NSD2: variants seen among roughly 807,000 people sequenced by gnomAD.
NSD2 encodes histone-lysine N-methyltransferase NSD2.
In NSD2, 12 loss-of-function variants were observed where a neutral mutation model predicts 139.0. The ratio of observed to expected loss-of-function variants is 0.09; its 90% CI spans 0.06 to 0.14. The LOEUF is 0.14. NSD2 is among the 10% of genes least tolerant of loss of function. NSD2 has a pLI of 1.00. For missense variants in NSD2, 1,155 were observed against 1,745.0 expected, an observed-to-expected ratio of 0.66 and a Z score of 6.02; for synonymous variants, 669 against 648.7, an observed-to-expected ratio of 1.03 and a Z score of -0.48.
In NSD2 at chr4:1,933,254, CACTT is replaced by C. The variant is rs529219632; in HGVS notation, c.1556-1885_1556-1882del. On this transcript the variant is annotated intron_variant, in intron 6 of 21. Coordinates refer to ENST00000508803, the MANE Select transcript of NSD2 (RefSeq NM_001042424.3). ...GAATGCATTGGCAGCAGGGCACGGA[CACTT>C]ACTTGTACCTCTGCCTGAGGCCTTG... 3.7e-4 allele frequency among the ~76,000 whole-genome samples: 57 copies of C among 152,360 alleles called. No individual in the cohort carries two copies. In the South Asian group the frequency reaches 4.8e-3, roughly 13 times the overall value.
chr4:1,947,076 C>T (rs1243290754), intron 9 of NSD2: 23 of 1,064,318 alleles, frequency 2.2e-5, no homozygotes, highest in Non-Finnish European at 2.6e-5. Flanking sequence ...CCAGTGGAAG[C>T]AGGTGTATTG....
chr4:1,960,960 T>TGG lies in NSD2; in HGVS notation c.3256-72_3256-71dup, dbSNP rs1255567527. On this transcript the variant is annotated intron_variant, in intron 17 of 21. Coordinates refer to ENST00000508803, the MANE Select transcript of NSD2 (RefSeq NM_001042424.3). ...TGGTGCCCGTTCTAAGTGATCATGA[T>TGG]GGGGAGTCTTGAGCCCCGACACTGA... The TGG allele has an allele frequency of 3.5e-6, 4 of 1,146,022 alleles. No individual in the cohort carries two copies. The African/African-American group carries it at 4.5e-5, about 13-fold the overall frequency. 71.0% of individuals were successfully genotyped at this position (1,146,022 alleles called of 1,614,324 possible).
At chr4:1,901,340 G>T in intron 2 of NSD2, 89 bp downstream of exon 2, 1 of 1,194,706 alleles carries the variant, frequency 8.4e-7, no homozygotes, top group African/African-American at 1.5e-5. Context: ...GTACTGGGGC[G>T]GGCGGAGAAG....
chr4:1,943,245 G>A (rs1022973430), intron 9 of NSD2: 12 of 1,041,772 alleles, frequency 1.2e-5, no homozygotes, highest in Admixed American at 5.6e-5. Flanking sequence ...AGTACCATGC[G>A]AGTAGCCCAC....
At chr4:1,961,248 C>G (rs953635339) in intron 18 of NSD2, 97 bp downstream of exon 18, 24 of 928,472 alleles carry the variant, frequency 2.6e-5, no homozygotes, top group Non-Finnish European at 3.9e-5. Flanking sequence ...GCAGCGCCAG[C>G]ATTTGTCTCC....
intron 18 of NSD2, among the ~76,000 whole-genome samples, chr4:1,961,370 C>T (rs3135122): frequency 0.68 from 103,182 of 152,162 alleles, 39,584 homozygotes; most frequent in East Asian, 0.98. Context: ...CACCCTGAGG[C>T]TCTGCTTGTC....
intron 5 of NSD2, chr4:1,918,964 A>C (rs940598728): frequency 4.9e-6 from 1 of 202,724 alleles, no homozygotes. Context: ...CCTGGGCAAC[A>C]TGGTGAAACC....
Position 1,955,479 on chromosome 4 carries a change from A to G in NSD2, c.2518+139A>G, listed in dbSNP as rs1289202653. On this transcript the variant is annotated intron_variant, in intron 13 of 21. Coordinates refer to ENST00000508803, the MANE Select transcript of NSD2 (RefSeq NM_001042424.3). This position sits in a 1 kb window ranked among gnomAD's most constrained non-coding sequence, Gnocchi z 4.7. The stretch of plus-strand genomic sequence containing the variant: ...TGCGTCTTCACGTTAATAGTATATC[A>G]CAGTAGCTCTAAATTAATTGTAATC... 54 of 1,251,704 alleles carry G rather than the reference A, an allele frequency of 4.3e-5. No homozygotes were observed. The highest frequency in any genetic ancestry group is 5.5e-5 in the Non-Finnish European group (51 of 931,310). The allele number at this position is 1,251,704 out of a possible 1,614,324, so 77.5% of individuals were successfully genotyped here.
At chr4:1,910,919 A>C (rs1187210159) in intron 3 of NSD2, among the ~76,000 whole-genome samples, 1 of 152,116 alleles carries the variant, frequency 6.6e-6, no homozygotes. Context: ...CTGTGGTCTC[A>C]TGTCGTTGTG....
chr4:1,959,869 T>G, intron 17 of NSD2, 129 bp downstream of exon 17: 1 of 1,277,866 alleles, frequency 7.8e-7, no homozygotes, highest in South Asian at 1.6e-5. Context: ...ATTTTTTTTG[T>G]TTTTGTTTTG....
At chr4:1,914,989 A>G (rs539920669) in intron 3 of NSD2, among the ~76,000 whole-genome samples, 2 of 152,230 alleles carry the variant, frequency 1.3e-5, no homozygotes, top group East Asian at 3.9e-4. Flanking sequence ...TTGGGTATCA[A>G]ACCTCCTAGA....
At position 1,900,761 on chromosome 4, in the gene NSD2, C is replaced by T. The variant is rs778558019; in HGVS notation, c.107C>T (p.Pro36Leu). Residue 36 changes from proline to leucine, a missense_variant, in exon 2 of 22, where the codon CCG becomes CTG. Pro to Leu is a moderately conservative substitution (Grantham distance 98). Transcript: ENST00000508803. ...EILGSANGKT[P>L]SCEVNRECSV... Reference sequence around the variant, plus strand: ...CTCGGCAGTGCCAACGGGAAGACTCCGAGCTGCGAGGTGAACCGCGAGTGT... The same window carrying T: ...CTCGGCAGTGCCAACGGGAAGACTCTGAGCTGCGAGGTGAACCGCGAGTGT... 66 of 1,614,114 alleles carry T rather than the reference C, an allele frequency of 4.1e-5. No individual in the cohort carries two copies. Among genetic ancestry groups the T allele is most frequent in the Non-Finnish European group, 5.3e-5 (62 of 1,180,026 alleles).
rs759566032 is a variant in NSD2, at chr4:1,955,866, C to T, written c.2675+17C>T. On this transcript the variant is annotated intron_variant, in intron 14 of 21. Transcript: ENST00000508803. The surrounding 1 kb of genome is among the most constrained non-coding windows in gnomAD (Gnocchi z 4.7). The stretch of plus-strand genomic sequence containing the variant: ...GAACTACAGGTGTGAGACATAGAAT[C>T]GTATGCTTTTATGTCTTTTCTGTTC... 63 of 1,612,112 alleles carry T rather than the reference C, an allele frequency of 3.9e-5. No individual in the cohort carries two copies. Among genetic ancestry groups the T allele is most frequent in the Non-Finnish European group, 5.0e-5 (59 of 1,178,402 alleles).
At chr4:1,879,648 G>A (rs1714557075) in intron 1 of NSD2, among the ~76,000 whole-genome samples, 1 of 152,076 alleles carries the variant, frequency 6.6e-6, no homozygotes, top group South Asian at 2.1e-4. Flanking sequence ...CATGCTGCCT[G>A]TAGCTCTTGT....
intron 2 of NSD2, among the ~76,000 whole-genome samples, 192 bp from the exon 3 acceptor site, chr4:1,904,024 G>A (rs1250872943): frequency 1.3e-5 from 2 of 152,162 alleles, no homozygotes; most frequent in African/African-American, 4.8e-5. Flanking sequence ...GTGAGCCACC[G>A]CACCTGGCCT....
chr4:1,933,328 C>T (rs186060965), intron 6 of NSD2, among the ~76,000 whole-genome samples: 7 of 152,350 alleles, frequency 4.6e-5, no homozygotes, highest in African/African-American at 1.2e-4. Context: ...TGTCTCCTGT[C>T]CCAACAGTAG....
In NSD2 at chr4:1,938,485, G is replaced by T. The variant is rs1244974581; in HGVS notation, c.1709G>T (p.Ser570Ile). The change falls in exon 8 of 22, where the codon AGC becomes ATC. Residue 570 changes from serine (S) to isoleucine (I), a missense_variant. Physicochemically the swap from Ser to Ile is moderately radical, Grantham distance 142. This residue lies in a region of NSD2 where 420 missense variants were observed against 469.0 expected (regional missense o/e 0.90). Transcript: ENST00000508803. The part of the protein sequence containing the change: ...DTITDKTART[S>I]SYKAMEAASS... Reference sequence around the variant, plus strand: ...ATCACTGACAAAACGGCCAGAACAAGCTCTTACAAGGCCATGGAGGCAGCC... The same window carrying T: ...ATCACTGACAAAACGGCCAGAACAATCTCTTACAAGGCCATGGAGGCAGCC... 6.9e-7 allele frequency: 1 copy of T among 1,443,958 alleles called. No individual in the cohort carries two copies. Among genetic ancestry groups the T allele is most frequent in the African/African-American group, 1.7e-5 (1 of 58,928 alleles). The allele number at this position is 1,443,958 out of a possible 1,614,324, so 89.4% of individuals were successfully genotyped here.
intron 1 of NSD2, among the ~76,000 whole-genome samples, chr4:1,876,106 C>T (rs185127639): frequency 7.9e-5 from 12 of 151,446 alleles, no homozygotes; most frequent in East Asian, 5.8e-4. Flanking sequence ...CCCAGCTACT[C>T]GGGAGGCTGA....
At chr4:1,925,243 A>G (rs566899649) in intron 5 of NSD2, among the ~76,000 whole-genome samples, 13 of 152,178 alleles carry the variant, frequency 8.5e-5, no homozygotes, top group Middle Eastern at 3.4e-3. Flanking sequence ...CAGTTAACCA[A>G]TGGCCAACCC....
Sources: allele counts gnomAD v4.1 joint callset (sites outside exome capture counted in the v4.1 genomes callset), GRCh38; gene constraint gnomAD v4.1.1; regional missense constraint gnomAD v4.1.1; non-coding constraint Gnocchi (gnomAD v3.1); transcripts MANE v1.5; gene names NCBI Gene and HGNC (gene_info 2026-07-23, HGNC 2026-07-21).